The following MYOM3 variants were observed in gnomAD, a reference collection of about 807,000 sequenced individuals.
MYOM3 encodes myomesin 3, also known as myomesin-3.
Under a neutral mutation model 191.7 loss-of-function variants are expected in MYOM3, and 155 were observed. The ratio of observed to expected loss-of-function variants is 0.81; its 90% confidence interval spans 0.71 to 0.92. MYOM3 has a LOEUF of 0.92. Among genes scored for constraint, MYOM3 ranks in the 40% least tolerant of loss-of-function variants. MYOM3 has a pLI of 0.00. For missense variants in MYOM3, 1,889 were observed against 1,890.6 expected (o/e 1.00, Z 0.02); for synonymous variants, 757 against 762.9 (o/e 0.99, Z 0.13).
At chr1:24,093,465 G>T (rs1463405196) in intron 9 of MYOM3, among the ~76,000 whole-genome samples, 1 of 152,018 alleles carries the variant, frequency 6.6e-6, no homozygotes, top group Non-Finnish European at 1.5e-5. Context: ...CAAAGAAGGA[G>T]GGCCCGTTTG....
rs1441065267 is a variant in MYOM3 at position 24,061,998 on chromosome 1, T to C, written c.3882A>G (p.Glu1294=). 1 of 1,614,188 alleles carries C rather than the reference T, an allele frequency of 6.2e-7. No homozygotes were observed. The highest frequency in any genetic ancestry group is 1.7e-5 in the Admixed American group (1 of 60,012). The change falls in exon 33 of 37, where the codon GAA becomes GAG. Residue 1294 remains glutamate (E), a synonymous_variant. Transcript: ENST00000374434. ...GCCGGACTTCCTTCCCTGCAGCTAT[T>C]TCCAGAGTGTATTTGCCCTTGTCTG... The part of the protein sequence containing the change: ...KDSDKGKYTL[E]IAAGKEVRQL...
chr1:24,092,063 G>A, intron 11 of MYOM3, 111 bp downstream of exon 11: 1 of 1,073,148 alleles, frequency 9.3e-7, no homozygotes, highest in Non-Finnish European at 1.3e-6. Flanking sequence ...CTGAGGAGCG[G>A]GGGTGTGAGG....
In MYOM3 at chr1:24,057,775, G is replaced by T. The variant is rs530408791; in HGVS notation, c.4051-148C>A. On this transcript the variant is annotated intron_variant, in intron 36 of 36. Transcript: ENST00000374434. ...TTTATTATAATTTATAAAGGGGAGAGATTTTATTTTAACCCCACATCCTTC... is the reference window on the plus strand; with the variant it reads ...TTTATTATAATTTATAAAGGGGAGATATTTTATTTTAACCCCACATCCTTC... The T allele has an allele frequency of 1.0e-4, 66 of 651,030 alleles. 1 individual carries two copies. In the East Asian group the frequency reaches 1.8e-3, roughly 18 times the overall value. 40.3% of individuals were successfully genotyped at this position (651,030 alleles called of 1,614,324 possible).
chr1:24,091,081 C>T (rs1042560302), intron 11 of MYOM3, 85 bp from the exon 12 acceptor site: 1 of 1,437,124 alleles, frequency 7.0e-7, no homozygotes, highest in African/African-American at 1.4e-5. Flanking sequence ...CTTTCTCTGA[C>T]TGGGGGAGCC....
chr1:24,062,919 C>T (rs1282548949), intron 32 of MYOM3, among the ~76,000 whole-genome samples: 2 of 152,182 alleles, frequency 1.3e-5, no homozygotes, highest in East Asian at 3.9e-4. Flanking sequence ...CTACTCCTCC[C>T]ACTGCTAATC....
chr1:24,108,329 TC>T, intron 2 of MYOM3, 146 bp downstream of exon 2: 1 of 912,788 alleles, frequency 1.1e-6, no homozygotes. Context: ...CAATTGTGTC[TC>T]CCCCCTCAGA....
chr1:24,089,966 A>G (rs1259522845), intron 13 of MYOM3, 99 bp downstream of exon 13: 5 of 1,260,946 alleles, frequency 4.0e-6, no homozygotes, highest in Non-Finnish European at 5.7e-6. Context: ...CTCATCCCCC[A>G]CACCCTGCAC....
intron 5 of MYOM3, among the ~76,000 whole-genome samples, chr1:24,103,771 T>C (rs1643958945): frequency 6.7e-6 from 1 of 148,200 alleles, no homozygotes. Flanking sequence ...TGAATAACTG[T>C]CTTTGTTTCA....
Position 24,087,868 on chromosome 1 carries a change from GT to G in MYOM3, c.1615-1042del, listed in dbSNP as rs1289132907. On this transcript the variant is annotated intron_variant, in intron 14 of 36. Transcript: ENST00000374434. The surrounding 1 kb of genome is among the most constrained non-coding windows in gnomAD (Gnocchi z 4.5). ...GGCACATAGCAGGTGCTCCATCTATGTTTCTGGGACAAATGAATGAACAAAT... is the reference window on the plus strand; with the variant it reads ...GGCACATAGCAGGTGCTCCATCTATGTTCTGGGACAAATGAATGAACAAAT... Among the ~76,000 whole-genome samples the G allele has an allele frequency of 6.6e-6, 1 of 152,204 alleles. No individual in the cohort carries two copies. The highest frequency in any genetic ancestry group is 1.5e-5 in the Non-Finnish European group (1 of 68,048).
chr1:24,065,329 C>T (rs1487515122), intron 29 of MYOM3, among the ~76,000 whole-genome samples: 5 of 152,198 alleles, frequency 3.3e-5, no homozygotes, highest in East Asian at 1.9e-4. Flanking sequence ...AAAAGGTTGA[C>T]GTTTGAGAGC....
At position 24,064,089 on chromosome 1, in the gene MYOM3, A is replaced by G; in HGVS notation, c.3605T>C (p.Leu1202Ser). 4 of 1,614,018 alleles carry G rather than the reference A, an allele frequency of 2.5e-6. No homozygotes were observed. Among genetic ancestry groups the G allele is most frequent in the Non-Finnish European group, 3.4e-6 (4 of 1,179,936 alleles). Residue 1202 changes from leucine (L) to serine (S), a missense_variant, in exon 30 of 37, where the codon TTG (leucine) becomes TCG (serine). Transcript: ENST00000374434. ...GCTCCTACCGTCACCCGTGAGGTCC[A>G]ATATGGTGTCGTCCTCCCCTCGATC... ...SDDRGEDDTI[L>S]DLTGDALDAI...
chr1:24,090,178 G>T, intron 12 of MYOM3, 60 bp from the exon 13 acceptor site: 3 of 1,373,210 alleles, frequency 2.2e-6, no homozygotes, highest in Non-Finnish European at 3.1e-6. Flanking sequence ...TAGGCCAGGA[G>T]CTACCCCACA....
chr1:24,106,179 C>T (rs911874174), intron 4 of MYOM3, 102 bp from the exon 5 acceptor site: 4 of 1,331,534 alleles, frequency 3.0e-6, no homozygotes, highest in Admixed American at 5.0e-5. Flanking sequence ...TAGTTAGACC[C>T]ACATGGGCTG....
chr1:24,067,354 T>TTCTTTCTTTCTTTCTTTCTTTC (rs1557602403), intron 27 of MYOM3, among the ~76,000 whole-genome samples: 39 of 71,912 alleles, frequency 5.4e-4, no homozygotes, highest in South Asian at 8.1e-4. Context: ...CTTTCTTTCT[T>TTCTTTCTTTCTTTCTTTCTTTC]TCTTTCTTTC....
chr1:24,063,399 C>T lies in MYOM3; in HGVS notation c.3661+93G>A. On this transcript the variant is annotated intron_variant, in intron 31 of 36. Coordinates refer to ENST00000374434, the MANE Select transcript of MYOM3 (RefSeq NM_152372.4). This position sits in a 1 kb window ranked among gnomAD's most constrained non-coding sequence, Gnocchi z 4.5. Reference sequence around the variant, plus strand: ...TCGGTGTTTGAGGTTAGAAACTAAACCCACCCCCAATAGCCAAGGCCAGTG... The same window carrying T: ...TCGGTGTTTGAGGTTAGAAACTAAATCCACCCCCAATAGCCAAGGCCAGTG... 1 of 1,531,120 alleles carries T rather than the reference C, an allele frequency of 6.5e-7. No homozygotes were observed. The highest frequency in any genetic ancestry group is 1.4e-5 in the African/African-American group (1 of 73,206). 94.8% of individuals were successfully genotyped at this position (1,531,120 alleles called of 1,614,324 possible).
chr1:24,094,765 T>G, intron 9 of MYOM3, 88 bp downstream of exon 9: 1 of 1,334,524 alleles, frequency 7.5e-7, no homozygotes. Flanking sequence ...GGGGAGAGTC[T>G]CTGTCCGCTA....
chr1:24,102,796 T>C (rs1330343193), intron 5 of MYOM3, among the ~76,000 whole-genome samples: 1 of 152,118 alleles, frequency 6.6e-6, no homozygotes, highest in African/African-American at 2.4e-5. Flanking sequence ...CAGTGAGCTG[T>C]GACTGCACCA....
rs1251187708 is a variant in MYOM3 at position 24,104,387 on chromosome 1, A to G, written c.560+1533T>C. Among the ~76,000 whole-genome samples the G allele has an allele frequency of 3.3e-5, 5 of 152,294 alleles. No homozygotes were observed. The East Asian group carries it at 9.6e-4, about 29-fold the overall frequency. On this transcript the variant is annotated intron_variant, in intron 5 of 36. Coordinates refer to ENST00000374434, the MANE Select transcript of MYOM3 (RefSeq NM_152372.4). The stretch of plus-strand genomic sequence containing the variant: ...TTTCACCCAGACTCTTTGATCTCAA[A>G]TATCACCCACGAGTATACTTCTTTG...
intron 13 of MYOM3, among the ~76,000 whole-genome samples, 160 bp downstream of exon 13, chr1:24,089,905 G>T (rs1034516299): frequency 6.6e-6 from 1 of 152,076 alleles, no homozygotes; most frequent in Non-Finnish European, 1.5e-5. Context: ...CAGCCAGATG[G>T]GCCACAGTGA....
Sources: gnomAD v4.1 joint callset for allele counts (sites outside exome capture counted in the v4.1 genomes callset) on GRCh38, gnomAD v4.1.1 for gene constraint, Gnocchi (gnomAD v3.1) non-coding constraint, MANE v1.5 for transcripts, NCBI Gene and HGNC (gene_info 2026-07-23, HGNC 2026-07-21) for gene names.